The following XKR9 variants were observed in gnomAD, a reference collection of about 807,000 sequenced individuals.
The protein encoded by XKR9 is XK-related protein 9.
A neutral mutation model predicts 32.0 loss-of-function variants in XKR9; 32 were observed. That is an observed-to-expected ratio of 1.00 (90% CI 0.76 to 1.34). The LOEUF (loss-of-function observed/expected upper bound fraction) is 1.34, where lower values mean the gene tolerates loss of function less well. Among genes scored for constraint, XKR9 ranks in the 40% most tolerant of loss-of-function variants. The pLI is 0.00. For missense variants in XKR9, 546 were observed against 429.7 expected (o/e 1.27, Z -2.39); for synonymous variants, 168 against 143.4 (o/e 1.17, Z -1.22).
chr8:70,669,463 T>G lies in XKR9; in HGVS notation c.-436T>G. ...CGGGGGCTGGTGCCTCACGGGTTTG[T>G]GTCCTAGACAGGCGAGTGGATCCAA... On this transcript the variant is annotated 5_prime_UTR_variant, in exon 1 of 5. Transcript: ENST00000408926. 1 of 281,780 alleles carries G rather than the reference T, an allele frequency of 3.5e-6. No homozygotes were observed. The highest frequency in any genetic ancestry group is 5.2e-5 in the Admixed American group (1 of 19,368). 17.5% of individuals were successfully genotyped at this position (281,780 alleles called of 1,614,324 possible). A position where few individuals can be genotyped will look rare whatever the true frequency, so the allele number is the denominator to read the frequency against.
Position 70,734,250 on chromosome 8 carries a change from C to G in XKR9, c.948C>G (p.Asp316Glu), listed in dbSNP as rs1277699355. The G allele has an allele frequency of 6.2e-7, 1 of 1,612,892 alleles. No homozygotes were observed. The highest frequency in any genetic ancestry group is 2.2e-5 in the East Asian group (1 of 44,802). Reference sequence around the variant, plus strand: ...GCCCCCTCACTATTTTTAATCCAGACTATTTTATACCTATCAGTATAACTA... The same window carrying G: ...GCCCCCTCACTATTTTTAATCCAGAGTATTTTATACCTATCAGTATAACTA... ...WVCPLTIFNPDYFIPISITIV... is the reference protein window; with the variant it reads ...WVCPLTIFNPEYFIPISITIV... Residue 316 changes from aspartate (D) to glutamate (E), a missense_variant, in exon 5 of 5, where the codon GAC becomes GAG. Asp to Glu is a conservative substitution (Grantham distance 45). Coordinates refer to ENST00000408926, the MANE Select transcript of XKR9 (RefSeq NM_001011720.2).
At chr8:70,908,351 C>T in the XKR9 span, among the ~76,000 whole-genome samples, 29 of 152,086 alleles carry the variant, frequency 1.9e-4, no homozygotes, top group Non-Finnish European at 3.8e-4. Context: ...ATAATCACAT[C>T]TAAATGATCA....
intron 1 of XKR9, among the ~76,000 whole-genome samples, chr8:70,671,207 A>T (rs1278806793): frequency 1.3e-5 from 2 of 152,184 alleles, no homozygotes; most frequent in Non-Finnish European, 1.5e-5. Context: ...TGCCTGGCTG[A>T]GATAAACTTT....
the XKR9 span, among the ~76,000 whole-genome samples, chr8:70,958,712 G>T: frequency 6.6e-6 from 1 of 152,090 alleles, no homozygotes; most frequent in East Asian, 1.9e-4. Flanking sequence ...GATCCCATTT[G>T]TCATTTTTTG....
At chr8:70,848,854 G>A in the XKR9 span, among the ~76,000 whole-genome samples, 1 of 150,778 alleles carries the variant, frequency 6.6e-6, no homozygotes, top group African/African-American at 2.4e-5. Context: ...ACACAAAGAA[G>A]GGCATTACAT....
chr8:70,752,242 A>C (rs1807152829), intron 2 of XKR9, among the ~76,000 whole-genome samples: 1 of 152,206 alleles, frequency 6.6e-6, no homozygotes, highest in Non-Finnish European at 1.5e-5. Context: ...TTAAAACACA[A>C]CATTTAAAAA....
At chr8:70,927,892 A>G in the XKR9 span, among the ~76,000 whole-genome samples, 1 of 152,116 alleles carries the variant, frequency 6.6e-6, no homozygotes, top group African/African-American at 2.4e-5. Flanking sequence ...TAGATCTGGT[A>G]GTAGATAGGA....
chr8:70,871,345 A>T, the XKR9 span, among the ~76,000 whole-genome samples: 4 of 152,180 alleles, frequency 2.6e-5, no homozygotes, highest in African/African-American at 9.7e-5. Flanking sequence ...TGCACTTTGC[A>T]GATACTGGGT....
At chr8:70,842,652 C>T in the XKR9 span, among the ~76,000 whole-genome samples, 1 of 152,078 alleles carries the variant, frequency 6.6e-6, no homozygotes, top group African/African-American at 2.4e-5. Context: ...ATTGAGAAAC[C>T]TGGCTCTCAT....
At chr8:70,765,908 G>C (rs1029794918) in intron 2 of XKR9, among the ~76,000 whole-genome samples, 1 of 152,172 alleles carries the variant, frequency 6.6e-6, no homozygotes, top group African/African-American at 2.4e-5. Flanking sequence ...TTAAACATCA[G>C]ATGGTTGTAG....
chr8:71,035,289 T>C, the XKR9 span, among the ~76,000 whole-genome samples: 1 of 152,206 alleles, frequency 6.6e-6, no homozygotes, highest in Admixed American at 6.5e-5. Flanking sequence ...TTGAATAGAA[T>C]ACCAATGGAT....
the XKR9 span, among the ~76,000 whole-genome samples, chr8:70,990,189 A>G: frequency 6.6e-6 from 1 of 152,224 alleles, no homozygotes; most frequent in Non-Finnish European, 1.5e-5. Flanking sequence ...AATCAAGTAA[A>G]ATAATGCCAG....
chr8:70,924,412 C>G, the XKR9 span, among the ~76,000 whole-genome samples: 6 of 152,112 alleles, frequency 3.9e-5, no homozygotes, highest in African/African-American at 1.4e-4. Context: ...TCTTTTCTGG[C>G]TTCTCTATTA....
At chr8:70,864,721 T>C in the XKR9 span, among the ~76,000 whole-genome samples, 1 of 152,168 alleles carries the variant, frequency 6.6e-6, no homozygotes, top group South Asian at 2.1e-4. Flanking sequence ...ATCATTTCTC[T>C]GCTTGGGACA....
intron 4 of XKR9, among the ~76,000 whole-genome samples, chr8:70,724,749 TG>T (rs1806405122): frequency 6.6e-6 from 1 of 152,144 alleles, no homozygotes; most frequent in Non-Finnish European, 1.5e-5. Context: ...GTACCTCAGT[TG>T]GAAATGCAGA....
At chr8:70,750,018 G>T (rs1247312121) in intron 2 of XKR9, among the ~76,000 whole-genome samples, 7 of 152,162 alleles carry the variant, frequency 4.6e-5, no homozygotes, top group African/African-American at 1.7e-4. Flanking sequence ...GCGTGTGTGT[G>T]TGTGGTGTGT....
the XKR9 span, among the ~76,000 whole-genome samples, chr8:70,847,244 A>G: frequency 2.6e-5 from 4 of 152,160 alleles, no homozygotes; most frequent in South Asian, 8.3e-4. Flanking sequence ...TGAATGACCA[A>G]TGGGTCAATG....
the XKR9 span, among the ~76,000 whole-genome samples, chr8:70,973,865 T>G: frequency 6.6e-6 from 1 of 152,208 alleles, no homozygotes; most frequent in Non-Finnish European, 1.5e-5. Context: ...TTTTTGAGGC[T>G]CATTTTGTGG....
chr8:70,915,530 A>G, the XKR9 span, among the ~76,000 whole-genome samples: 204 of 152,014 alleles, frequency 1.3e-3, 1 homozygote, highest in Non-Finnish European at 1.8e-3. Flanking sequence ...TCTATGTCTG[A>G]TTTTTCTTAC....
Sources: gnomAD v4.1 joint callset for allele counts (sites outside exome capture counted in the v4.1 genomes callset) on GRCh38, gnomAD v4.1.1 for gene constraint, MANE v1.5 for transcripts, NCBI Gene and HGNC (gene_info 2026-07-23, HGNC 2026-07-21) for gene names.